CHL1: variants seen among roughly 807,000 people sequenced by gnomAD.
CHL1 encodes the protein neural cell adhesion molecule L1-like protein.
CHL1 carries 96 observed loss-of-function variants against 141.9 expected under a neutral mutation model. The observed-to-expected ratio is 0.68, with a 90% confidence interval of 0.57 to 0.80. The LOEUF (loss-of-function observed/expected upper bound fraction) is 0.80, where lower values mean the gene tolerates loss of function less well. Among genes scored for constraint, CHL1 ranks in the 30% least tolerant of loss-of-function variants. The probability of loss-of-function intolerance (pLI) is 0.00; values close to 1 mark genes in which losing one functional copy is unlikely to be tolerated. For missense variants in CHL1, 1,820 were observed against 1,457.2 expected, an observed-to-expected ratio of 1.25 and a Z score of -4.05; for synonymous variants, 613 against 502.2, an observed-to-expected ratio of 1.22 and a Z score of -2.95.
chr3:332,804 G>C (rs1028547240), intron 5 of CHL1, among the ~76,000 whole-genome samples: 1 of 152,116 alleles, frequency 6.6e-6, no homozygotes, highest in Admixed American at 6.5e-5. Flanking sequence ...ACTGAAATAA[G>C]TTAAGACCAG....
At chr3:225,393 A>G (rs1362219256) in intron 1 of CHL1, among the ~76,000 whole-genome samples, 9 of 152,242 alleles carry the variant, frequency 5.9e-5, no homozygotes, top group Non-Finnish European at 1.2e-4. Flanking sequence ...CCTTAGAGTT[A>G]TATAGCATAT....
chr3:307,020 C>T (rs1699296675), intron 2 of CHL1, among the ~76,000 whole-genome samples: 1 of 152,164 alleles, frequency 6.6e-6, no homozygotes, highest in African/African-American at 2.4e-5. Flanking sequence ...AACTTGCTCA[C>T]ATTTCTAAAG....
chr3:224,777 G>A (rs748165449), intron 1 of CHL1, among the ~76,000 whole-genome samples: 5 of 152,168 alleles, frequency 3.3e-5, no homozygotes, highest in African/African-American at 4.8e-5. Context: ...TTTTGCAAAC[G>A]TAGCTTCCCT....
chr3:398,397 G>C lies in CHL1; in HGVS notation c.3253+12G>C, dbSNP rs1559359866. 2 of 1,569,356 alleles carry C rather than the reference G, an allele frequency of 1.3e-6. No homozygotes were observed. The highest frequency in any genetic ancestry group is 1.8e-6 in the Non-Finnish European group (2 of 1,140,554). ...GACAAGAGGGAGAGGTGAGAAATGA[G>C]ATTATATTTGGGGAAGTCTTAGTCA... On this transcript the variant is annotated intron_variant, in intron 25 of 27. Transcript: ENST00000256509.
intron 2 of CHL1, among the ~76,000 whole-genome samples, chr3:275,940 C>T (rs1486706613): frequency 6.6e-6 from 1 of 151,604 alleles, no homozygotes; most frequent in Non-Finnish European, 1.5e-5. Flanking sequence ...TATATTTTAC[C>T]TTATTTAATC....
At chr3:336,605 A>C (rs1050995251) in intron 5 of CHL1, among the ~76,000 whole-genome samples, 5 of 149,028 alleles carry the variant, frequency 3.4e-5, no homozygotes, top group Non-Finnish European at 7.4e-5. Flanking sequence ...AATGAGATAC[A>C]GAAAAAGGTA....
At chr3:279,301 A>G (rs761379793) in intron 2 of CHL1, among the ~76,000 whole-genome samples, 3 of 151,730 alleles carry the variant, frequency 2.0e-5, no homozygotes, top group Non-Finnish European at 4.4e-5. Context: ...TCTATTTTGG[A>G]TCTTCTTATA....
intron 1 of CHL1, among the ~76,000 whole-genome samples, chr3:225,544 T>G (rs1701239579): frequency 6.6e-6 from 1 of 152,200 alleles, no homozygotes; most frequent in Non-Finnish European, 1.5e-5. Flanking sequence ...ATCTTTATAT[T>G]TCTTTATGAG....
At chr3:361,646 CAT>C in intron 12 of CHL1, 51 bp from the exon 13 acceptor site, 5 of 1,221,238 alleles carry the variant, frequency 4.1e-6, no homozygotes, top group Non-Finnish European at 6.1e-6. Flanking sequence ...ATTTAATTTG[CAT>C]ATCTTTCTTC....
chr3:396,689 A>T (rs1264364335), intron 24 of CHL1, among the ~76,000 whole-genome samples: 1 of 152,148 alleles, frequency 6.6e-6, no homozygotes, highest in Non-Finnish European at 1.5e-5. Flanking sequence ...AATGTTTCTT[A>T]CTGGTGTGTT....
At chr3:239,886 G>A (rs571383) in intron 1 of CHL1, among the ~76,000 whole-genome samples, 15,382 of 151,936 alleles carry the variant, frequency 0.1, 1,112 homozygotes, top group East Asian at 0.38. Context: ...TAGAATAATC[G>A]TCTCCAGCTC....
intron 2 of CHL1, among the ~76,000 whole-genome samples, chr3:276,431 T>C (rs1696104222): frequency 6.6e-6 from 1 of 152,178 alleles, no homozygotes; most frequent in Non-Finnish European, 1.5e-5. Flanking sequence ...GCTGGTGTTT[T>C]ATAGTTTGCA....
chr3:254,825 A>C (rs1312397316), intron 2 of CHL1, among the ~76,000 whole-genome samples: 2 of 152,122 alleles, frequency 1.3e-5, no homozygotes. Context: ...CCTTAATCCC[A>C]TTCATGAGGG....
chr3:224,969 C>T (rs1701185646), intron 1 of CHL1, among the ~76,000 whole-genome samples: 1 of 151,038 alleles, frequency 6.6e-6, no homozygotes, highest in Admixed American at 6.6e-5. Context: ...CACCCCATCT[C>T]TACTAAAAAC....
At chr3:233,005 C>CT (rs1420508896) in intron 1 of CHL1, among the ~76,000 whole-genome samples, 87 of 146,114 alleles carry the variant, frequency 6.0e-4, no homozygotes, top group Admixed American at 6.2e-4. Flanking sequence ...TTCTTTCCTC[C>CT]TTTTTTTTTT....
intron 26 of CHL1, among the ~76,000 whole-genome samples, chr3:400,438 T>C (rs1709028172): frequency 6.6e-6 from 1 of 151,222 alleles, no homozygotes; most frequent in Admixed American, 6.7e-5. Flanking sequence ...ATTGTGGTGC[T>C]ATCCAGATTC....
At chr3:240,474 A>G (rs1692449772) in intron 1 of CHL1, among the ~76,000 whole-genome samples, 1 of 151,824 alleles carries the variant, frequency 6.6e-6, no homozygotes, top group African/African-American at 2.4e-5. Flanking sequence ...AATTTGTTTG[A>G]GTTCCTTGTA....
At chr3:356,652 G>C (rs1222705980) in intron 11 of CHL1, among the ~76,000 whole-genome samples, 7 of 152,160 alleles carry the variant, frequency 4.6e-5, no homozygotes, top group Non-Finnish European at 1.0e-4. Flanking sequence ...CCTTTGAGTG[G>C]AGATGGGAAG....
Position 405,464 on chromosome 3 carries a change from G to T in CHL1, c.3459-31G>T, listed in dbSNP as rs749542895. 5.3e-5 allele frequency: 74 copies of T among 1,385,744 alleles called. No individual in the cohort carries two copies. In the South Asian group the frequency reaches 7.9e-4, roughly 15 times the overall value. 85.8% of individuals were successfully genotyped at this position (1,385,744 alleles called of 1,614,324 possible). The stretch of plus-strand genomic sequence containing the variant: ...TACATGAATATTAATATTAGATTTT[G>T]TTGAGCTATTTTTGTTTGTTTGTTT... On this transcript the variant is annotated intron_variant, in intron 27 of 27. Coordinates refer to ENST00000256509, the MANE Select transcript of CHL1 (RefSeq NM_006614.4).
Sources: allele counts gnomAD v4.1 joint callset (sites outside exome capture counted in the v4.1 genomes callset), GRCh38; gene constraint gnomAD v4.1.1; transcripts MANE v1.5; gene names NCBI Gene and HGNC (gene_info 2026-07-23, HGNC 2026-07-21).